Variants in ANK3 observed in about 807,000 individuals in gnomAD.
ANK3 encodes ankyrin 3, also known as ankyrin-3.
Under a neutral mutation model 370.9 loss-of-function variants are expected in ANK3, and 57 were observed. The observed-to-expected ratio is 0.15, with a 90% confidence interval of 0.12 to 0.19. ANK3 has a LOEUF of 0.19. Ranked by LOEUF, ANK3 falls within the 10% of genes least tolerant of loss-of-function variation. ANK3 has a pLI of 1.00. For synonymous variants in ANK3, 1,929 were observed against 1,946.3 expected (o/e 0.99, Z 0.23); for missense variants, 4,439 against 5,302.1 (o/e 0.84, Z 5.06).
intron 2 of ANK3, among the ~76,000 whole-genome samples, chr10:60,564,525 A>T (rs957531718): frequency 2.0e-5 from 3 of 152,226 alleles, no homozygotes; most frequent in African/African-American, 7.2e-5. Flanking sequence ...GTAAGAGGGC[A>T]TGGTGTGTTT....
At chr10:60,176,337 C>T (rs1324883691) in intron 18 of ANK3, among the ~76,000 whole-genome samples, 2 of 145,438 alleles carry the variant, frequency 1.4e-5, no homozygotes, top group Non-Finnish European at 3.0e-5. Context: ...TGTACTCCAG[C>T]CTGGGCAACA....
intron 2 of ANK3, among the ~76,000 whole-genome samples, chr10:60,540,882 C>CA (rs2076831922): frequency 6.6e-6 from 1 of 151,794 alleles, no homozygotes; most frequent in Non-Finnish European, 1.5e-5. Context: ...ATGTGCATAT[C>CA]AAAATTTCAC....
chr10:60,346,966 CT>C (rs1331058937), intron 1 of ANK3, among the ~76,000 whole-genome samples: 1 of 144,106 alleles, frequency 6.9e-6, no homozygotes, highest in African/African-American at 2.5e-5. Context: ...ACATAAGAGT[CT>C]TTTAAACAAC....
At chr10:60,162,790 C>G (rs2095530535) in intron 23 of ANK3, among the ~76,000 whole-genome samples, 1 of 152,096 alleles carries the variant, frequency 6.6e-6, no homozygotes, top group Admixed American at 6.6e-5. Flanking sequence ...TCTCCTAAAC[C>G]TGTTCAGTAG....
intron 1 of ANK3, among the ~76,000 whole-genome samples, chr10:60,323,985 T>C (rs1395260627): frequency 2.6e-5 from 4 of 152,088 alleles, no homozygotes; most frequent in Non-Finnish European, 4.4e-5. Flanking sequence ...TAGAGAGGGT[T>C]CGTGAGGGAC....
At chr10:60,257,854 T>C (rs1169080035) in intron 7 of ANK3, among the ~76,000 whole-genome samples, 1 of 152,206 alleles carries the variant, frequency 6.6e-6, no homozygotes, top group Non-Finnish European at 1.5e-5. Context: ...CAGAAAGTGC[T>C]AAATGGCAAG....
At chr10:60,715,110 C>T (rs1202043987) in intron 1 of ANK3, among the ~76,000 whole-genome samples, 1 of 150,458 alleles carries the variant, frequency 6.6e-6, no homozygotes, top group Non-Finnish European at 1.5e-5. Flanking sequence ...GAACACTCTA[C>T]ATTTTCTACT....
chr10:60,140,749 G>C, intron 23 of ANK3: 3 of 1,096,168 alleles, frequency 2.7e-6, no homozygotes, highest in Non-Finnish European at 3.3e-6. Flanking sequence ...GCAAGCCCCT[G>C]AGTTATTTGT....
chr10:60,543,898 T>C (rs77209387), intron 2 of ANK3, among the ~76,000 whole-genome samples: 1,677 of 151,736 alleles, frequency 0.011, 36 homozygotes, highest in African/African-American at 0.039. Flanking sequence ...TAAACTTCTA[T>C]AGGACATAGA....
In ANK3 at chr10:60,141,577, T is replaced by TG. The variant is rs1565275030; in HGVS notation, c.2615-2491_2615-2490insC. 5.0e-3 allele frequency among the ~76,000 whole-genome samples: 735 copies of TG among 146,186 alleles called. 21 individuals are homozygous for TG. Among genetic ancestry groups the TG allele is most frequent in the African/African-American group, 0.018 (694 of 37,536 alleles). ...TCAATTGCTGTTTTTTTTTTTTTTTTTTTTTTTTTGCTTCCCTCCAGCCCC... is the reference window on the plus strand; with the variant it reads ...TCAATTGCTGTTTTTTTTTTTTTTTTGTTTTTTTTTGCTTCCCTCCAGCCCC... On this transcript the variant is annotated intron_variant, in intron 23 of 43. Coordinates refer to ENST00000280772, the MANE Select transcript of ANK3 (RefSeq NM_020987.5).
chr10:60,676,409 T>C (rs184602141), intron 1 of ANK3, among the ~76,000 whole-genome samples: 6 of 152,298 alleles, frequency 3.9e-5, no homozygotes, highest in Non-Finnish European at 8.8e-5. Flanking sequence ...TCACTACAGG[T>C]ATATGCTAAC....
intron 13 of ANK3, among the ~76,000 whole-genome samples, chr10:60,199,058 G>C (rs557487079): frequency 2.6e-5 from 4 of 152,240 alleles, no homozygotes; most frequent in African/African-American, 9.6e-5. Flanking sequence ...GATGCCCTCT[G>C]CTTGCCAGGC....
chr10:60,158,848 G>T (rs2095423577), intron 23 of ANK3, among the ~76,000 whole-genome samples: 1 of 151,684 alleles, frequency 6.6e-6, no homozygotes, highest in Non-Finnish European at 1.5e-5. Context: ...GCTAATTTTT[G>T]TATTTTTAGT....
intron 5 of ANK3, among the ~76,000 whole-genome samples, chr10:60,268,781 A>C (rs1415206098): frequency 6.6e-6 from 1 of 152,170 alleles, no homozygotes; most frequent in African/African-American, 2.4e-5. Context: ...CCAGTATTGT[A>C]GGAAAGTTCT....
intron 1 of ANK3, among the ~76,000 whole-genome samples, chr10:60,651,044 T>C (rs967261450): frequency 6.6e-6 from 1 of 152,166 alleles, no homozygotes; most frequent in South Asian, 2.1e-4. Flanking sequence ...TACAGTGAGC[T>C]GTGGTTGAGC....
At chr10:60,049,823 G>C (rs1418548965) in intron 42 of ANK3, among the ~76,000 whole-genome samples, 1 of 152,090 alleles carries the variant, frequency 6.6e-6, no homozygotes, top group Non-Finnish European at 1.5e-5. Flanking sequence ...TGATTTGAGA[G>C]GTTTTGAAGT....
intron 26 of ANK3, 137 bp downstream of exon 26, chr10:60,114,088 C>T (rs2092915298): frequency 4.9e-6 from 2 of 405,600 alleles, no homozygotes; most frequent in Non-Finnish European, 8.8e-6. Flanking sequence ...ATACATCTCA[C>T]ATATACTAAT....
intron 43 of ANK3, among the ~76,000 whole-genome samples, chr10:60,040,726 A>G (rs1294185101): frequency 1.3e-5 from 2 of 152,184 alleles, no homozygotes; most frequent in African/African-American, 2.4e-5. Flanking sequence ...ATTCACAGGT[A>G]TTAGGAATAT....
intron 1 of ANK3, among the ~76,000 whole-genome samples, chr10:60,730,533 C>A (rs1306825984): frequency 6.6e-6 from 1 of 152,096 alleles, no homozygotes; most frequent in Non-Finnish European, 1.5e-5. Flanking sequence ...AGAAAGTAGA[C>A]TATATTAAAA....
Sources: allele counts gnomAD v4.1 joint callset (sites outside exome capture counted in the v4.1 genomes callset), GRCh38; gene constraint gnomAD v4.1.1; transcripts MANE v1.5; gene names NCBI Gene and HGNC (gene_info 2026-07-23, HGNC 2026-07-21).